The following NR6A1 variants were observed in gnomAD, a reference collection of about 807,000 sequenced individuals.
The protein encoded by NR6A1 is nuclear receptor subfamily 6 group A member 1.
A neutral mutation model predicts 59.1 loss-of-function variants in NR6A1; 7 were observed. The observed-to-expected ratio is 0.12, with a 90% CI of 0.07 to 0.22. The LOEUF (loss-of-function observed/expected upper bound fraction) is 0.22, where lower values mean the gene tolerates loss of function less well. Ranked by LOEUF, NR6A1 falls within the 10% of genes least tolerant of loss-of-function variation. The pLI is 1.00. For missense variants in NR6A1, 468 were observed against 611.6 expected (o/e 0.77, Z 2.48); for synonymous variants, 243 against 236.1 (o/e 1.03, Z -0.27).
chr9:124,646,040 T>G (rs1836920139), intron 2 of NR6A1, among the ~76,000 whole-genome samples: 1 of 152,156 alleles, frequency 6.6e-6, no homozygotes, highest in Non-Finnish European at 1.5e-5. Context: ...AGAAGTCATC[T>G]CAAGAGAAAA....
intron 2 of NR6A1, among the ~76,000 whole-genome samples, chr9:124,729,186 T>A (rs1839815003): frequency 6.6e-6 from 1 of 152,184 alleles, no homozygotes; most frequent in Admixed American, 6.5e-5. Context: ...GATTATGCTG[T>A]TCTATTGAGG....
intron 2 of NR6A1, among the ~76,000 whole-genome samples, chr9:124,695,611 C>T (rs1294961300): frequency 6.6e-6 from 1 of 152,182 alleles, no homozygotes; most frequent in Admixed American, 6.5e-5. Context: ...CTCAAGTGAT[C>T]CGCCCGCCTC....
intron 2 of NR6A1, among the ~76,000 whole-genome samples, chr9:124,720,481 T>G (rs1839532587): frequency 6.6e-6 from 1 of 152,240 alleles, no homozygotes; most frequent in Non-Finnish European, 1.5e-5. Context: ...AAAAAGATCT[T>G]TAACACTGTA....
chr9:124,554,686 C>T, intron 2 of NR6A1, 116 bp from the exon 3 acceptor site: 2 of 1,330,104 alleles, frequency 1.5e-6, no homozygotes, highest in Non-Finnish European at 2.1e-6. Context: ...GGCTAAAGGG[C>T]AAACAGGGGG....
chr9:124,559,301 T>C (rs1037705423), intron 2 of NR6A1, among the ~76,000 whole-genome samples: 1 of 152,190 alleles, frequency 6.6e-6, no homozygotes, highest in African/African-American at 2.4e-5. Context: ...AGTGACTCAA[T>C]AAGGTACTTC....
At chr9:124,663,498 A>G (rs1330473662) in intron 2 of NR6A1, among the ~76,000 whole-genome samples, 1 of 152,122 alleles carries the variant, frequency 6.6e-6, no homozygotes, top group Non-Finnish European at 1.5e-5. Context: ...CTCTTCATTC[A>G]TAAAATACAA....
intron 2 of NR6A1, among the ~76,000 whole-genome samples, chr9:124,563,478 C>CT (rs1834138320): frequency 6.6e-6 from 1 of 152,174 alleles, no homozygotes; most frequent in Admixed American, 6.5e-5. Flanking sequence ...TTCTCTTAGT[C>CT]TAACTATTAA....
At chr9:124,632,378 T>C (rs1397732600) in intron 2 of NR6A1, among the ~76,000 whole-genome samples, 1 of 152,234 alleles carries the variant, frequency 6.6e-6, no homozygotes, top group African/African-American at 2.4e-5. Flanking sequence ...TGTGAGATTG[T>C]ATCTCATTGT....
intron 2 of NR6A1, among the ~76,000 whole-genome samples, chr9:124,635,241 C>G (rs1336075011): frequency 6.6e-6 from 1 of 152,146 alleles, no homozygotes; most frequent in Non-Finnish European, 1.5e-5. Flanking sequence ...TCCAGAATGT[C>G]ATATAGTTGG....
At chr9:124,634,127 C>T (rs951982065) in intron 2 of NR6A1, among the ~76,000 whole-genome samples, 5 of 152,006 alleles carry the variant, frequency 3.3e-5, no homozygotes, top group Admixed American at 6.5e-5. Flanking sequence ...TCACTGTAAA[C>T]GCTACACAAT....
chr9:124,746,283 T>C (rs1840331987), intron 1 of NR6A1, among the ~76,000 whole-genome samples: 1 of 152,158 alleles, frequency 6.6e-6, no homozygotes, highest in South Asian at 2.1e-4. Flanking sequence ...CAAAGCTAGT[T>C]AATCATACCT....
At chr9:124,561,236 G>C (rs1834076325) in intron 2 of NR6A1, among the ~76,000 whole-genome samples, 2 of 152,082 alleles carry the variant, frequency 1.3e-5, no homozygotes, top group Non-Finnish European at 2.9e-5. Context: ...AGGAGTTTAA[G>C]ACCAGCCTGG....
At chr9:124,611,137 CTTTCT>C (rs1263994933) in intron 2 of NR6A1, among the ~76,000 whole-genome samples, 1 of 149,882 alleles carries the variant, frequency 6.7e-6, no homozygotes, top group African/African-American at 2.5e-5. Flanking sequence ...GATACAATAA[CTTTCT>C]TTTATCTCTG....
At chr9:124,657,741 TC>T (rs145154858) in intron 2 of NR6A1, among the ~76,000 whole-genome samples, 10 of 149,734 alleles carry the variant, frequency 6.7e-5, no homozygotes, top group East Asian at 3.9e-4. Flanking sequence ...TTTCATAGCT[TC>T]CCCCCCCCAG....
At chr9:124,614,802 G>C (rs1835843922) in intron 2 of NR6A1, among the ~76,000 whole-genome samples, 1 of 152,264 alleles carries the variant, frequency 6.6e-6, no homozygotes, top group Non-Finnish European at 1.5e-5. Flanking sequence ...TGCTTTTCAA[G>C]TCTCTGCAAC....
chr9:124,598,770 T>G, intron 2 of NR6A1: 1 of 916,578 alleles, frequency 1.1e-6, no homozygotes, highest in African/African-American at 1.6e-5. Flanking sequence ...AGCTTCTAGC[T>G]TTTCCGCCAC....
intron 2 of NR6A1, among the ~76,000 whole-genome samples, chr9:124,670,110 C>T (rs78386179): frequency 6.6e-6 from 1 of 151,400 alleles, no homozygotes; most frequent in Admixed American, 6.6e-5. Context: ...CCTGGCAGAG[C>T]GGTTCATGCC....
intron 2 of NR6A1, among the ~76,000 whole-genome samples, chr9:124,580,367 CTGCTG>C (rs1242823039): frequency 2.0e-5 from 3 of 152,042 alleles, no homozygotes; most frequent in African/African-American, 7.2e-5. Flanking sequence ...AGATCTGTAG[CTGCTG>C]TGGGTTAGCA....
chr9:124,526,683 T>C (rs1832947386), intron 8 of NR6A1, 96 bp downstream of exon 8: 4 of 1,537,058 alleles, frequency 2.6e-6, no homozygotes, highest in Admixed American at 3.5e-5. Flanking sequence ...TTCTGTGTGA[T>C]AGTCCTGAGG....
Sources: gnomAD v4.1 joint callset for allele counts (sites outside exome capture counted in the v4.1 genomes callset) on GRCh38, gnomAD v4.1.1 for gene constraint, MANE v1.5 for transcripts, NCBI Gene and HGNC (gene_info 2026-07-23, HGNC 2026-07-21) for gene names.